Variants in TBC1D8 observed in about 807,000 individuals in gnomAD.
The protein encoded by TBC1D8 is BUB2-like protein 1.
In TBC1D8, 65 loss-of-function variants were observed where a neutral mutation model predicts 118.8. That is an observed-to-expected ratio of 0.55 (90% CI 0.45 to 0.67). TBC1D8 has a LOEUF of 0.67. Ranked by LOEUF, TBC1D8 falls within the 30% of genes least tolerant of loss-of-function variation. The pLI is 0.00. For missense variants in TBC1D8, 1,376 were observed against 1,471.2 expected, an observed-to-expected ratio of 0.94 and a Z score of 1.06; for synonymous variants, 566 against 595.8, an observed-to-expected ratio of 0.95 and a Z score of 0.73.
At chr2:101,048,039 G>C (rs1388155967) in intron 5 of TBC1D8, among the ~76,000 whole-genome samples, 1 of 152,156 alleles carries the variant, frequency 6.6e-6, no homozygotes, top group Non-Finnish European at 1.5e-5. Context: ...GGGCTGGCCA[G>C]AACAGCTGCT....
chr2:101,062,138 G>T (rs1460799652), intron 2 of TBC1D8, among the ~76,000 whole-genome samples: 1 of 152,224 alleles, frequency 6.6e-6, no homozygotes, highest in African/African-American at 2.4e-5. Flanking sequence ...GTCAGCAATG[G>T]TGTCTCTCTA....
intron 2 of TBC1D8, among the ~76,000 whole-genome samples, chr2:101,063,730 A>G (rs990058530): frequency 1.2e-4 from 19 of 152,228 alleles, no homozygotes; most frequent in African/African-American, 3.9e-4. Context: ...TTCAAATTAC[A>G]TAAAGTAGCA....
intron 2 of TBC1D8, among the ~76,000 whole-genome samples, chr2:101,087,407 C>T (rs1003446772): frequency 1.3e-5 from 2 of 151,958 alleles, no homozygotes; most frequent in Non-Finnish European, 2.9e-5. Context: ...GAGGCCAAGG[C>T]AGGCAGATCA....
chr2:101,081,525 A>G (rs1256530054), intron 2 of TBC1D8, among the ~76,000 whole-genome samples: 2 of 152,068 alleles, frequency 1.3e-5, no homozygotes, highest in Non-Finnish European at 2.9e-5. Flanking sequence ...CATCTGTACA[A>G]AGGTTTGACA....
chr2:101,115,439 G>A (rs896750628), intron 1 of TBC1D8, among the ~76,000 whole-genome samples: 9 of 152,146 alleles, frequency 5.9e-5, no homozygotes, highest in African/African-American at 2.2e-4. Context: ...TTCCATTTAG[G>A]GGAAGTTGCA....
At chr2:101,068,978 C>T (rs1389203990) in intron 2 of TBC1D8, among the ~76,000 whole-genome samples, 4 of 144,772 alleles carry the variant, frequency 2.8e-5, no homozygotes, top group South Asian at 2.2e-4. Flanking sequence ...CCAGCCTGGG[C>T]GACAAGAGCA....
intron 1 of TBC1D8, among the ~76,000 whole-genome samples, chr2:101,126,602 A>C (rs1398998354): frequency 2.6e-5 from 4 of 152,230 alleles, no homozygotes; most frequent in Non-Finnish European, 5.9e-5. Context: ...ATCTTGATAG[A>C]TATACAGAGA....
chr2:101,028,050 C>T lies in TBC1D8; in HGVS notation c.2449G>A (p.Val817Met). Residue 817 changes from valine (V) to methionine (M), a missense_variant and splice_region_variant, in exon 14 of 20, where the codon GTG (valine) becomes ATG (methionine). Coordinates refer to ENST00000409318, the MANE Select transcript of TBC1D8 (RefSeq NM_001330348.2). ...GGGGTGAGGCGTCTGCTACCCACCACGTTCTGCTTTGTGGTGTCCTCGTGG... is the reference window on the plus strand; with the variant it reads ...GGGGTGAGGCGTCTGCTACCCACCATGTTCTGCTTTGTGGTGTCCTCGTGG... Reference protein sequence around the residue: ...QGHEDTTKQNVLRVVIPEVSI... With the variant: ...QGHEDTTKQNMLRVVIPEVSI... 6 of 1,614,036 alleles carry T rather than the reference C, an allele frequency of 3.7e-6. No homozygotes were observed. The highest frequency in any genetic ancestry group is 1.1e-5 in the South Asian group (1 of 91,082).
Position 101,037,552 on chromosome 2 carries a change from G to C in TBC1D8, c.1432C>G (p.Gln478Glu), listed in dbSNP as rs764543310. The C allele has an allele frequency of 6.2e-7, 1 of 1,612,676 alleles. No homozygotes were observed. Among genetic ancestry groups the C allele is most frequent in the South Asian group, 1.1e-5 (1 of 91,026 alleles). Residue 478 changes from glutamine (Q) to glutamate (E), a missense_variant, in exon 8 of 20, where the codon CAG (glutamine) becomes GAG (glutamate). Transcript: ENST00000409318. ...LVTAFQQSGS[Q>E]SPDSRMSREQ... The stretch of plus-strand genomic sequence containing the variant: ...CCCACCATTCGGGAGTCAGGGCTCT[G>C]GCTGCCTGACTGCTGGAAGGCGGTG...
chr2:101,129,530 C>T (rs1416688099), intron 1 of TBC1D8, among the ~76,000 whole-genome samples: 1 of 152,180 alleles, frequency 6.6e-6, no homozygotes, highest in African/African-American at 2.4e-5. Context: ...ACAAAAGTAG[C>T]TGGAGAGATC....
intron 1 of TBC1D8, among the ~76,000 whole-genome samples, chr2:101,121,269 T>C (rs967854592): frequency 6.6e-6 from 1 of 152,222 alleles, no homozygotes; most frequent in African/African-American, 2.4e-5. Flanking sequence ...TTTGAACGTG[T>C]CATTCCAGTC....
At chr2:101,096,668 A>G (rs1676467056) in intron 1 of TBC1D8, among the ~76,000 whole-genome samples, 1 of 152,142 alleles carries the variant, frequency 6.6e-6, no homozygotes, top group African/African-American at 2.4e-5. Flanking sequence ...AAAGAAAATC[A>G]AGGAAAAATG....
intron 6 of TBC1D8, 116 bp downstream of exon 6, chr2:101,040,062 A>T: frequency 1.7e-6 from 2 of 1,207,692 alleles, no homozygotes; most frequent in Non-Finnish European, 2.3e-6. Flanking sequence ...ATCCATCTTT[A>T]GATGGCAAAA....
chr2:101,139,909 C>T (rs1679027553), intron 1 of TBC1D8, among the ~76,000 whole-genome samples: 1 of 152,182 alleles, frequency 6.6e-6, no homozygotes, highest in African/African-American at 2.4e-5. Flanking sequence ...TATCACCCCA[C>T]AATCACGACT....
intron 8 of TBC1D8, among the ~76,000 whole-genome samples, chr2:101,036,978 T>C (rs1343219507): frequency 1.3e-5 from 2 of 152,226 alleles, no homozygotes; most frequent in African/African-American, 2.4e-5. Context: ...AACAGGTTCA[T>C]GGCCACTGCC....
Position 101,029,668 on chromosome 2 carries a change from C to T in TBC1D8, c.2045G>A (p.Trp682Ter), listed in dbSNP as rs375647796. The T allele has an allele frequency of 2.1e-5, 34 of 1,613,890 alleles. No homozygotes were observed. The highest frequency in any genetic ancestry group is 2.7e-5 in the Non-Finnish European group (32 of 1,179,900). The change falls in exon 12 of 20, where the codon TGG (tryptophan) becomes TAG (stop). Residue 682 changes from tryptophan to a stop codon, truncating the protein, a stop_gained. Coordinates refer to ENST00000409318, the MANE Select transcript of TBC1D8 (RefSeq NM_001330348.2). LOFTEE classifies it high-confidence loss of function. ...GATGCTGAGGAACAGGGTCAGGAAC[C>T]ACGAGAGAGAGACGGACGCCAGGGC... is the stretch of plus-strand genomic sequence containing the variant. ...LSALASVSLS[W>*]FLTLFLSIMP...
chr2:101,013,453 G>C (rs1679382513), intron 17 of TBC1D8, among the ~76,000 whole-genome samples: 1 of 152,132 alleles, frequency 6.6e-6, no homozygotes, highest in Non-Finnish European at 1.5e-5. Flanking sequence ...TAAATGGATT[G>C]ACAGACAATT....
At chr2:101,053,656 G>GT (rs1682205608) in intron 4 of TBC1D8, among the ~76,000 whole-genome samples, 1 of 152,188 alleles carries the variant, frequency 6.6e-6, no homozygotes, top group Non-Finnish European at 1.5e-5. Context: ...GTGAATCAGT[G>GT]CATGAATCTC....
At chr2:101,126,947 G>A (rs1273946028) in intron 1 of TBC1D8, among the ~76,000 whole-genome samples, 6 of 152,114 alleles carry the variant, frequency 3.9e-5, no homozygotes, top group African/African-American at 4.8e-5. Flanking sequence ...CATCTCCTTC[G>A]CAGATGTGGA....
Sources: allele counts gnomAD v4.1 joint callset (sites outside exome capture counted in the v4.1 genomes callset), GRCh38; gene constraint gnomAD v4.1.1; transcripts MANE v1.5; gene names NCBI Gene and HGNC (gene_info 2026-07-23, HGNC 2026-07-21).